The following TENM3 variants were observed in gnomAD, a reference collection of about 807,000 sequenced individuals.
TENM3 encodes the protein teneurin-3.
A neutral mutation model predicts 255.1 loss-of-function variants in TENM3; 63 were observed. The observed-to-expected ratio is 0.25, with a 90% CI of 0.20 to 0.30. The LOEUF is 0.30. Ranked by LOEUF, TENM3 falls within the 10% of genes least tolerant of loss-of-function variation. TENM3 has a pLI of 1.00. For missense variants in TENM3, 2,929 were observed against 3,461.1 expected (o/e 0.85, Z 3.86); for synonymous variants, 1,306 against 1,322.3 (o/e 0.99, Z 0.27).
At chr4:181,977,289 G>T in the TENM3 span, among the ~76,000 whole-genome samples, 2 of 152,156 alleles carry the variant, frequency 1.3e-5, no homozygotes, top group African/African-American at 4.8e-5. Context: ...AGAACACAGC[G>T]CACAGCAAAC....
the TENM3 span, among the ~76,000 whole-genome samples, chr4:181,670,584 C>T: frequency 2.0e-5 from 3 of 152,116 alleles, no homozygotes; most frequent in Non-Finnish European, 4.4e-5. Context: ...ACTAGTTTTG[C>T]TGTAGACACA....
upstream of TENM3, among the ~76,000 whole-genome samples, chr4:182,139,453 C>T (rs564965199): frequency 2.0e-5 from 3 of 152,276 alleles, no homozygotes; most frequent in Non-Finnish European, 4.4e-5. Flanking sequence ...AAATATCTAA[C>T]GGGTGTTGTT....
intron 4 of TENM3, among the ~76,000 whole-genome samples, chr4:182,612,973 T>G (rs1749155082): frequency 6.6e-6 from 1 of 152,192 alleles, no homozygotes; most frequent in African/African-American, 2.4e-5. Context: ...TCTCAACTCT[T>G]ACCGCCGGAA....
At position 182,684,039 on chromosome 4, in the gene TENM3, G is replaced by C. The variant is rs113631813; in HGVS notation, c.2035+2025G>C. On this transcript the variant is annotated intron_variant, in intron 11 of 27. Transcript: ENST00000511685. ...GGGAAAGGGGGAGGCTGATTGAAGA[G>C]GCAGGACGTAGGGAGGCAATGGAAG... is the stretch of plus-strand genomic sequence containing the variant. Among the ~76,000 whole-genome samples, 113 of 151,878 alleles carry C rather than the reference G, an allele frequency of 7.4e-4. 3 individuals carry two copies. The South Asian group carries it at 0.02, about 27-fold the overall frequency.
the TENM3 span, among the ~76,000 whole-genome samples, chr4:181,770,874 T>C: frequency 6.6e-6 from 1 of 152,220 alleles, no homozygotes; most frequent in East Asian, 1.9e-4. Context: ...AAACTTACTG[T>C]GTGCCCCACA....
chr4:182,554,564 G>T (rs1000989896), intron 3 of TENM3, among the ~76,000 whole-genome samples: 1 of 151,926 alleles, frequency 6.6e-6, no homozygotes, highest in East Asian at 1.9e-4. Flanking sequence ...GTGTGTGCAC[G>T]TATGTGTGTG....
chr4:181,935,481 C>A, the TENM3 span, among the ~76,000 whole-genome samples: 1 of 152,182 alleles, frequency 6.6e-6, no homozygotes, highest in Non-Finnish European at 1.5e-5. Context: ...TCCTTGCTAC[C>A]TTATGCCTGA....
the TENM3 span, among the ~76,000 whole-genome samples, chr4:181,605,685 A>G: frequency 6.6e-6 from 1 of 152,202 alleles, no homozygotes; most frequent in African/African-American, 2.4e-5. Flanking sequence ...CTTAAGCATA[A>G]GAGAAAGCAT....
At chr4:181,584,817 T>C in the TENM3 span, among the ~76,000 whole-genome samples, 98 of 152,294 alleles carry the variant, frequency 6.4e-4, no homozygotes, top group Non-Finnish European at 1.2e-3. Flanking sequence ...GGGTGCCTAA[T>C]GAACATTTTT....
chr4:182,680,793 G>C, intron 10 of TENM3, 56 bp downstream of exon 10: 2 of 1,308,104 alleles, frequency 1.5e-6, no homozygotes, highest in Non-Finnish European at 2.0e-6. Flanking sequence ...GAAACAGATT[G>C]TATCTGTAAT....
At chr4:181,535,155 T>C in the TENM3 span, among the ~76,000 whole-genome samples, 4 of 152,194 alleles carry the variant, frequency 2.6e-5, no homozygotes, top group African/African-American at 9.7e-5. Context: ...CCACTCTGGC[T>C]GCACCACTCA....
At chr4:182,549,731 G>T (rs1741819598) in intron 3 of TENM3, among the ~76,000 whole-genome samples, 2 of 152,104 alleles carry the variant, frequency 1.3e-5, no homozygotes, top group Admixed American at 1.3e-4. Flanking sequence ...AGAAGAATTG[G>T]CCTTTCTAAT....
At chr4:182,365,993 G>T (rs558686974) in intron 3 of TENM3, among the ~76,000 whole-genome samples, 1 of 152,238 alleles carries the variant, frequency 6.6e-6, no homozygotes, top group African/African-American at 2.4e-5. Context: ...ATAATCTTAT[G>T]GGGCTACTGT....
At chr4:182,292,050 C>T (rs532430401) in intron 1 of TENM3, among the ~76,000 whole-genome samples, 4 of 152,160 alleles carry the variant, frequency 2.6e-5, no homozygotes, top group Non-Finnish European at 4.4e-5. Flanking sequence ...TTTCCTTTTT[C>T]AGCCCATGAA....
At chr4:182,428,124 G>A (rs1771365533) in intron 3 of TENM3, among the ~76,000 whole-genome samples, 2 of 152,070 alleles carry the variant, frequency 1.3e-5, no homozygotes, top group Admixed American at 6.6e-5. Context: ...ATTAATCAAA[G>A]GTGTGGAGAA....
the TENM3 span, among the ~76,000 whole-genome samples, chr4:182,116,956 G>C: frequency 6.6e-6 from 1 of 152,128 alleles, no homozygotes; most frequent in African/African-American, 2.4e-5. Flanking sequence ...CCAGCATTTG[G>C]TACCATCATG....
At chr4:181,929,136 C>A in the TENM3 span, among the ~76,000 whole-genome samples, 1 of 152,066 alleles carries the variant, frequency 6.6e-6, no homozygotes. Flanking sequence ...GGCAAAATAA[C>A]CAGCTAGCAT....
At chr4:181,470,250 G>A in the TENM3 span, among the ~76,000 whole-genome samples, 1 of 152,090 alleles carries the variant, frequency 6.6e-6, no homozygotes, top group Non-Finnish European at 1.5e-5. Context: ...AAATATGTTT[G>A]GTCATTATCA....
chr4:181,582,519 C>T, the TENM3 span, among the ~76,000 whole-genome samples: 6 of 151,864 alleles, frequency 4.0e-5, no homozygotes, highest in South Asian at 2.1e-4. Context: ...TGGTGGCGGG[C>T]GCCTGTAATC....
Sources: allele counts gnomAD v4.1 joint callset (sites outside exome capture counted in the v4.1 genomes callset), GRCh38; gene constraint gnomAD v4.1.1; transcripts MANE v1.5; gene names NCBI Gene and HGNC (gene_info 2026-07-23, HGNC 2026-07-21).